DNM3: variants seen among roughly 807,000 people sequenced by gnomAD.
The protein encoded by DNM3 is dynamin-3.
Under a neutral mutation model 101.6 loss-of-function variants are expected in DNM3, and 47 were observed. The ratio of observed to expected loss-of-function variants is 0.46; its 90% CI spans 0.37 to 0.59. The LOEUF (loss-of-function observed/expected upper bound fraction) is 0.59, where lower values mean the gene tolerates loss of function less well. Ranked by LOEUF, DNM3 falls within the 20% of genes least tolerant of loss-of-function variation. The pLI is 0.00. For missense variants in DNM3, 849 were observed against 1,085.7 expected (o/e 0.78, Z 3.06); for synonymous variants, 385 against 387.9 (o/e 0.99, Z 0.09).
At chr1:172,195,788 A>C (rs1361251072) in intron 14 of DNM3, among the ~76,000 whole-genome samples, 2 of 151,674 alleles carry the variant, frequency 1.3e-5, no homozygotes, top group African/African-American at 2.4e-5. Context: ...TATGATGTGT[A>C]ATTCTTTTTA....
chr1:172,097,808 A>G (rs1008297216), intron 13 of DNM3, among the ~76,000 whole-genome samples: 3 of 152,144 alleles, frequency 2.0e-5, no homozygotes, highest in African/African-American at 7.2e-5. Flanking sequence ...AAATAAAGGG[A>G]CAGAGTACAA....
chr1:172,127,995 T>C (rs2056738998), intron 13 of DNM3, among the ~76,000 whole-genome samples: 1 of 152,180 alleles, frequency 6.6e-6, no homozygotes, highest in Admixed American at 6.5e-5. Flanking sequence ...GTCTGCATTG[T>C]ACTGTCATAT....
chr1:172,107,297 A>G (rs569330156), intron 13 of DNM3, among the ~76,000 whole-genome samples: 1 of 152,364 alleles, frequency 6.6e-6, no homozygotes, highest in East Asian at 1.9e-4. Flanking sequence ...GCTAAATAAA[A>G]CAAGAGGCTG....
chr1:172,055,339 C>T (rs1384816890), intron 10 of DNM3, among the ~76,000 whole-genome samples: 2 of 152,084 alleles, frequency 1.3e-5, no homozygotes, highest in African/African-American at 4.8e-5. Context: ...TTCTTTCAGG[C>T]CTCTGCTATT....
Position 172,412,041 on chromosome 1 carries a change from TTG to T in DNM3, c.*4216_*4217del, listed in dbSNP as rs35335757. On this transcript the variant is annotated 3_prime_UTR_variant, in exon 21 of 21. Coordinates refer to ENST00000627582, the MANE Select transcript of DNM3 (RefSeq NM_015569.5). ...GCATATGTAATATATGCACTGCTATTTGTGTGTGTGTGTGTGTCTTTGTATAT... is the reference window on the plus strand; with the variant it reads ...GCATATGTAATATATGCACTGCTATTTGTGTGTGTGTGTGTCTTTGTATAT... 5.1e-5 allele frequency: 49 copies of T among 957,536 alleles called. 1 individual carries two copies. The highest frequency in any genetic ancestry group is 5.4e-4 in the Middle Eastern group (1 of 1,862). The allele number at this position is 957,536 out of a possible 1,614,324, so 59.3% of individuals were successfully genotyped here. A position where few individuals can be genotyped will look rare whatever the true frequency, so the allele number is the denominator to read the frequency against.
chr1:172,250,296 GGGAAAAGATGTATTT>G (rs939495784), intron 14 of DNM3, among the ~76,000 whole-genome samples: 8 of 152,158 alleles, frequency 5.3e-5, no homozygotes, highest in South Asian at 4.2e-4. Flanking sequence ...ATCTCAAGTT[GGGAAAAGATGTATTT>G]GGAAAAGATG....
At chr1:172,076,574 CAT>C (rs1468119955) in intron 11 of DNM3, among the ~76,000 whole-genome samples, 1 of 152,122 alleles carries the variant, frequency 6.6e-6, no homozygotes, top group East Asian at 1.9e-4. Flanking sequence ...TTGAGATAAT[CAT>C]GTGGTTTACG....
At chr1:172,053,574 C>G (rs1255880979) in intron 10 of DNM3, among the ~76,000 whole-genome samples, 1 of 152,070 alleles carries the variant, frequency 6.6e-6, no homozygotes, top group Admixed American at 6.5e-5. Flanking sequence ...TTTATCTTCT[C>G]TCTAGCCTGT....
intron 7 of DNM3, among the ~76,000 whole-genome samples, chr1:172,039,015 A>G (rs2049167702): frequency 6.6e-6 from 1 of 151,386 alleles, no homozygotes; most frequent in African/African-American, 2.4e-5. Context: ...GCATCTTTTC[A>G]CCCCTTCATG....
At chr1:172,195,496 C>T (rs989567652) in intron 14 of DNM3, among the ~76,000 whole-genome samples, 1 of 151,840 alleles carries the variant, frequency 6.6e-6, no homozygotes, top group Admixed American at 6.6e-5. Context: ...TCCTTGCCCT[C>T]TTCCTCATCT....
intron 10 of DNM3, among the ~76,000 whole-genome samples, chr1:172,061,699 G>C (rs1222013835): frequency 3.3e-5 from 4 of 122,530 alleles, no homozygotes; most frequent in Non-Finnish European, 5.0e-5. Flanking sequence ...GGACTGTGGT[G>C]GGGTGGGGGG....
At chr1:172,100,501 A>G (rs6425638) in intron 13 of DNM3, among the ~76,000 whole-genome samples, 141,125 of 152,232 alleles carry the variant, frequency 0.93, 65,537 homozygotes, top group Non-Finnish European at 0.95. Context: ...TGGATAACAA[A>G]GATTGCCAAC....
chr1:172,318,185 A>G (rs1259571363), intron 16 of DNM3, among the ~76,000 whole-genome samples: 1 of 152,258 alleles, frequency 6.6e-6, no homozygotes, highest in Admixed American at 6.5e-5. Context: ...AAAATTCAAC[A>G]GCCCTTCAGG....
chr1:172,313,375 T>G (rs2065161077), intron 16 of DNM3, among the ~76,000 whole-genome samples: 1 of 152,252 alleles, frequency 6.6e-6, no homozygotes, highest in South Asian at 2.1e-4. Context: ...AAATTTTTCC[T>G]ACATATGTGA....
intron 15 of DNM3, among the ~76,000 whole-genome samples, chr1:172,298,918 A>G (rs1196652364): frequency 6.6e-6 from 1 of 152,158 alleles, no homozygotes; most frequent in Non-Finnish European, 1.5e-5. Flanking sequence ...AAGGATAAAA[A>G]GAAAAACAGA....
At chr1:172,396,203 C>T (rs142217157) in intron 20 of DNM3, among the ~76,000 whole-genome samples, 1 of 152,278 alleles carries the variant, frequency 6.6e-6, no homozygotes, top group Non-Finnish European at 1.5e-5. Flanking sequence ...GTTATCAGCT[C>T]ATGTGAATCA....
At chr1:172,057,623 A>G (rs1455359773) in intron 10 of DNM3, among the ~76,000 whole-genome samples, 1 of 152,026 alleles carries the variant, frequency 6.6e-6, no homozygotes, top group African/African-American at 2.4e-5. Flanking sequence ...GAAATAAAAT[A>G]CTTTACAGAC....
At chr1:172,331,355 C>G (rs987690950) in intron 17 of DNM3, among the ~76,000 whole-genome samples, 1 of 152,066 alleles carries the variant, frequency 6.6e-6, no homozygotes, top group Non-Finnish European at 1.5e-5. Flanking sequence ...TAATATTAGG[C>G]TAGCAGAATA....
At position 172,332,244 on chromosome 1, in the gene DNM3, GATTT is replaced by G. The variant is rs369031190; in HGVS notation, c.1893+8909_1893+8912del. ...AAATCTCAGTAGCTTCAAACTACAA[GATTT>G]ATTTCTTGCTCAAGCTGCATATTCA... On this transcript the variant is annotated intron_variant, in intron 17 of 20. Transcript: ENST00000627582. 5.9e-5 allele frequency among the ~76,000 whole-genome samples: 9 copies of G among 152,252 alleles called. No individual in the cohort carries two copies. In the East Asian group the frequency reaches 1.7e-3, roughly 29 times the overall value.
Sources: gnomAD v4.1 joint callset for allele counts (sites outside exome capture counted in the v4.1 genomes callset) on GRCh38, gnomAD v4.1.1 for gene constraint, MANE v1.5 for transcripts, NCBI Gene and HGNC (gene_info 2026-07-23, HGNC 2026-07-21) for gene names.